AASS: variants seen among roughly 807,000 people sequenced by gnomAD.
AASS encodes the protein aminoadipate-semialdehyde synthase.
Under a neutral mutation model 105.4 loss-of-function variants are expected in AASS, and 86 were observed. That is an observed-to-expected ratio of 0.82 (90% CI 0.69 to 0.98). AASS has a LOEUF of 0.98. Ranked by LOEUF, AASS falls within the 50% of genes least tolerant of loss-of-function variation. The pLI is 0.00. For synonymous variants in AASS, 381 were observed against 394.8 expected (o/e 0.96, Z 0.41); for missense variants, 1,048 against 1,143.2 (o/e 0.92, Z 1.20).
intron 11 of AASS, among the ~76,000 whole-genome samples, chr7:122,110,896 G>T (rs916929195): frequency 3.3e-5 from 5 of 151,986 alleles, no homozygotes; most frequent in Admixed American, 1.3e-4. Context: ...AACCAAGTTG[G>T]ATTTATCCTA....
intron 1 of AASS, among the ~76,000 whole-genome samples, chr7:122,142,554 C>G (rs1796452406): frequency 6.6e-6 from 1 of 152,064 alleles, no homozygotes; most frequent in Non-Finnish European, 1.5e-5. Context: ...AAATTTAAGA[C>G]AATTTTTTTA....
intron 1 of AASS, among the ~76,000 whole-genome samples, chr7:122,139,295 G>A (rs1054390781): frequency 2.3e-4 from 35 of 152,136 alleles, no homozygotes; most frequent in African/African-American, 7.5e-4. Flanking sequence ...GATGCACTTG[G>A]TAAAGATATA....
intron 11 of AASS, among the ~76,000 whole-genome samples, chr7:122,107,917 G>GCAA (rs1343338959): frequency 2.2e-5 from 3 of 134,910 alleles, no homozygotes; most frequent in South Asian, 4.5e-4. Flanking sequence ...ATTAGCTTCT[G>GCAA]CAACATTATT....
At chr7:122,137,137 A>C (rs542192649) in intron 1 of AASS, among the ~76,000 whole-genome samples, 70 of 152,324 alleles carry the variant, frequency 4.6e-4, no homozygotes, top group African/African-American at 1.6e-3. Context: ...ACCATTGATT[A>C]AGCATCACAT....
intron 1 of AASS, chr7:122,133,972 C>T (rs140781710): frequency 1.8e-6 from 1 of 553,210 alleles, no homozygotes; most frequent in Non-Finnish European, 3.2e-6. Flanking sequence ...ACGTGTGTGA[C>T]ACCATCCAAT....
Position 122,115,190 on chromosome 7 carries a change from T to A in AASS, c.927A>T (p.Gly309=), listed in dbSNP as rs1433202004. Residue 309 remains glycine, a synonymous_variant, in exon 9 of 24, where the codon GGA becomes GGT. Transcript: ENST00000417368. ...GAGGAGTGTTTTGTTCCCAGTAGAT[T>A]CCATTAATTAAGCAAGTTGTATAGG... is the stretch of plus-strand genomic sequence containing the variant. ...IAPYTTCLIN[G]IYWEQNTPRL... 6.2e-7 allele frequency: 1 copy of A among 1,614,138 alleles called. No individual in the cohort carries two copies. Among genetic ancestry groups the A allele is most frequent in the South Asian group, 1.1e-5 (1 of 91,084 alleles).
chr7:122,079,472 T>C (rs1337537203), intron 21 of AASS, 125 bp downstream of exon 21: 31 of 1,072,386 alleles, frequency 2.9e-5, no homozygotes, highest in Non-Finnish European at 4.1e-5. Flanking sequence ...CATGGTAATC[T>C]CTCTACCCAC....
At chr7:122,091,608 C>T (rs1376909130) in intron 18 of AASS, 95 bp downstream of exon 18, 2 of 1,578,200 alleles carry the variant, frequency 1.3e-6, no homozygotes, top group African/African-American at 2.7e-5. Flanking sequence ...CAGGCAGCAT[C>T]ACCATTATTA....
intron 11 of AASS, among the ~76,000 whole-genome samples, chr7:122,107,521 T>G (rs981656698): frequency 1.3e-5 from 2 of 152,064 alleles, no homozygotes; most frequent in African/African-American, 4.8e-5. Context: ...CTATAAATGA[T>G]AGACTGTATA....
chr7:122,092,778 A>T, intron 17 of AASS, 65 bp downstream of exon 17: 1 of 1,317,544 alleles, frequency 7.6e-7, no homozygotes, highest in Non-Finnish European at 1.1e-6. Context: ...TATAACTCAT[A>T]CTTTGATTCT....
At chr7:122,101,242 C>A in intron 13 of AASS, 129 bp downstream of exon 13, 1 of 786,988 alleles carries the variant, frequency 1.3e-6, no homozygotes, top group Non-Finnish European at 2.1e-6. Context: ...CCTACATTTT[C>A]AAACATTATC....
chr7:122,114,414 A>C (rs1173251321), intron 9 of AASS, among the ~76,000 whole-genome samples: 1 of 152,264 alleles, frequency 6.6e-6, no homozygotes, highest in East Asian at 1.9e-4. Flanking sequence ...TGCCAGTTAC[A>C]TGCCTAGAAA....
chr7:122,077,586 C>A (rs1584801034), intron 23 of AASS, among the ~76,000 whole-genome samples: 1 of 152,166 alleles, frequency 6.6e-6, no homozygotes, highest in East Asian at 1.9e-4. Flanking sequence ...CTCAAAGGTG[C>A]TGAGTAACTT....
intron 11 of AASS, among the ~76,000 whole-genome samples, chr7:122,112,593 C>G (rs888493821): frequency 2.0e-5 from 3 of 152,076 alleles, no homozygotes; most frequent in African/African-American, 7.2e-5. Context: ...AGGATAAAAA[C>G]TGAAATAAGA....
At chr7:122,107,878 C>T (rs1794738911) in intron 11 of AASS, among the ~76,000 whole-genome samples, 1 of 150,954 alleles carries the variant, frequency 6.6e-6, no homozygotes, top group Admixed American at 6.6e-5. Context: ...ACATGTACCC[C>T]TGAACCTAAA....
At chr7:122,118,118 C>G (rs1188208439) in intron 6 of AASS, among the ~76,000 whole-genome samples, 189 bp downstream of exon 6, 2 of 152,024 alleles carry the variant, frequency 1.3e-5, no homozygotes, top group Admixed American at 1.3e-4. Context: ...CACACACATA[C>G]ACATACACAC....
chr7:122,133,773 A>G, intron 1 of AASS, 32 bp from the exon 2 acceptor site: 1 of 1,585,174 alleles, frequency 6.3e-7, no homozygotes, highest in Non-Finnish European at 8.7e-7. Context: ...CAGAGCAACA[A>G]AAGGCAGCAA....
chr7:122,078,339 C>T (rs117843075), intron 22 of AASS, among the ~76,000 whole-genome samples: 2,356 of 151,096 alleles, frequency 0.016, 29 homozygotes, highest in South Asian at 0.033. Context: ...TAATGTCGGG[C>T]GCGGTGGCTC....
At chr7:122,134,498 C>T (rs572854948) in intron 1 of AASS, among the ~76,000 whole-genome samples, 7 of 152,292 alleles carry the variant, frequency 4.6e-5, no homozygotes, top group African/African-American at 1.4e-4. Flanking sequence ...GCTAGGACTA[C>T]AGGTGCACAA....
Sources: allele counts gnomAD v4.1 joint callset (sites outside exome capture counted in the v4.1 genomes callset), GRCh38; gene constraint gnomAD v4.1.1; transcripts MANE v1.5; gene names NCBI Gene and HGNC (gene_info 2026-07-23, HGNC 2026-07-21).